BRINP3: variants seen among roughly 807,000 people sequenced by gnomAD.
BRINP3 encodes BMP/retinoic acid-inducible neural-specific protein 3.
In BRINP3, 19 loss-of-function variants were observed where a neutral mutation model predicts 71.0. The observed-to-expected ratio is 0.27, with a 90% CI of 0.19 to 0.39. BRINP3 has a LOEUF of 0.39. BRINP3 is among the 10% of genes least tolerant of loss of function. The pLI, the probability that BRINP3 is intolerant of heterozygous loss-of-function variation, is 1.00. For synonymous variants in BRINP3, 380 were observed against 337.7 expected, an observed-to-expected ratio of 1.13 and a Z score of -1.37; for missense variants, 959 against 940.8, an observed-to-expected ratio of 1.02 and a Z score of -0.25.
intron 6 of BRINP3, among the ~76,000 whole-genome samples, chr1:190,164,701 C>T (rs1012183064): frequency 3.9e-5 from 6 of 151,926 alleles, no homozygotes; most frequent in South Asian, 2.1e-4. Context: ...CGCAATTCTC[C>T]GGCCTCGTCC....
At chr1:190,240,108 C>G (rs550546238) in intron 4 of BRINP3, among the ~76,000 whole-genome samples, 3 of 151,674 alleles carry the variant, frequency 2.0e-5, no homozygotes, top group African/African-American at 7.2e-5. Context: ...TAGGAACTAA[C>G]AGGTTAATAT....
chr1:190,372,215 T>G (rs536401008), intron 2 of BRINP3, among the ~76,000 whole-genome samples: 1 of 152,312 alleles, frequency 6.6e-6, no homozygotes, highest in South Asian at 2.1e-4. Context: ...TCCTTCATTC[T>G]GTTGCCTTGC....
intron 2 of BRINP3, among the ~76,000 whole-genome samples, chr1:190,381,745 G>A (rs528931742): frequency 2.8e-4 from 42 of 152,130 alleles, no homozygotes; most frequent in Non-Finnish European, 5.9e-4. Flanking sequence ...TCTCATTCAT[G>A]TTATAGGCCA....
chr1:190,328,174 C>T (rs764207664), intron 2 of BRINP3, among the ~76,000 whole-genome samples: 4 of 151,808 alleles, frequency 2.6e-5, no homozygotes, highest in Non-Finnish European at 4.4e-5. Flanking sequence ...AAAGTGACCC[C>T]AAAGCTAGCA....
At chr1:190,243,129 A>C (rs983586945) in intron 4 of BRINP3, among the ~76,000 whole-genome samples, 1 of 152,138 alleles carries the variant, frequency 6.6e-6, no homozygotes, top group Non-Finnish European at 1.5e-5. Flanking sequence ...GTGACTAGAC[A>C]ACAGAAGTTT....
chr1:190,180,225 T>C (rs891565285), intron 6 of BRINP3, among the ~76,000 whole-genome samples: 1 of 152,172 alleles, frequency 6.6e-6, no homozygotes, highest in African/African-American at 2.4e-5. Flanking sequence ...GGTATATTAA[T>C]GAACTCTCTC....
rs777913411 is a variant in BRINP3, at chr1:190,264,989, G to A, written c.494C>T (p.Ser165Phe). The A allele has an allele frequency of 6.2e-7, 1 of 1,611,696 alleles. No individual in the cohort carries two copies. The highest frequency in any genetic ancestry group is 1.7e-5 in the Admixed American group (1 of 59,506). ...AGTGACCGAAGAGCTATTGGTGGTG[G>A]AATCACTTCCTTCAGCTCGTTTGCT... ...KLSKRAEGSDSTTNSSSVTLE... is the reference protein window; with the variant it reads ...KLSKRAEGSDFTTNSSSVTLE... The change falls in exon 4 of 8, where the codon TCC (serine) becomes TTC (phenylalanine). Residue 165 changes from serine (S) to phenylalanine (F), a missense_variant. Coordinates refer to ENST00000367462, the MANE Select transcript of BRINP3 (RefSeq NM_199051.3).
chr1:190,472,073 T>A (rs1416125798), intron 1 of BRINP3, among the ~76,000 whole-genome samples: 1 of 151,604 alleles, frequency 6.6e-6, no homozygotes, highest in Non-Finnish European at 1.5e-5. Flanking sequence ...AATGTCTAAT[T>A]AAAAATTCAA....
intron 4 of BRINP3, among the ~76,000 whole-genome samples, chr1:190,258,610 C>T (rs1013403948): frequency 1.3e-5 from 2 of 152,102 alleles, no homozygotes; most frequent in Non-Finnish European, 2.9e-5. Flanking sequence ...ACTGGCCTTA[C>T]AGAAACACAA....
chr1:190,359,480 G>C (rs1455198494), intron 2 of BRINP3, among the ~76,000 whole-genome samples: 1 of 151,992 alleles, frequency 6.6e-6, no homozygotes, highest in African/African-American at 2.4e-5. Flanking sequence ...TTTGAGCCTC[G>C]CAGGGTACGA....
rs142263649 is a variant in BRINP3, at chr1:190,211,753, A to G, written c.961+14329T>C. On this transcript the variant is annotated intron_variant, in intron 6 of 7. Transcript: ENST00000367462. ...TCATTTGAGATCTAAATCAGAAATCATTATATAAAACACCTGTTTGGCACT... is the reference window on the plus strand; with the variant it reads ...TCATTTGAGATCTAAATCAGAAATCGTTATATAAAACACCTGTTTGGCACT... Among the ~76,000 whole-genome samples, 831 of 152,250 alleles carry G rather than the reference A, an allele frequency of 5.5e-3. 6 individuals are homozygous for G. Among genetic ancestry groups the G allele is most frequent in the African/African-American group, 0.018 (759 of 41,564 alleles).
chr1:190,228,247 A>G (rs913776461), intron 5 of BRINP3, among the ~76,000 whole-genome samples: 13 of 152,016 alleles, frequency 8.6e-5, no homozygotes, highest in African/African-American at 2.7e-4. Context: ...AGTGCTAAAA[A>G]CAATTTGAAT....
chr1:190,210,332 T>TG (rs1277389645), intron 6 of BRINP3, among the ~76,000 whole-genome samples: 1 of 152,100 alleles, frequency 6.6e-6, no homozygotes, highest in African/African-American at 2.4e-5. Context: ...AGCATGTGTA[T>TG]GAAAAAAGCA....
At chr1:190,115,897 CA>C (rs1571740479) in intron 7 of BRINP3, among the ~76,000 whole-genome samples, 1 of 152,202 alleles carries the variant, frequency 6.6e-6, no homozygotes, top group East Asian at 1.9e-4. Flanking sequence ...AAATGAAATT[CA>C]AAGTGTATAT....
intron 1 of BRINP3, chr1:190,475,808 G>T (rs1677459857): frequency 1.3e-5 from 2 of 152,080 alleles, no homozygotes; most frequent in Admixed American, 1.3e-4. Flanking sequence ...TTCCTTACTG[G>T]ATCTGACTGT....
chr1:190,297,230 C>T (rs1221251870), intron 2 of BRINP3, among the ~76,000 whole-genome samples: 2 of 151,922 alleles, frequency 1.3e-5, no homozygotes, highest in Non-Finnish European at 2.9e-5. Flanking sequence ...CCAGAATAAA[C>T]CTATTCATAT....
intron 6 of BRINP3, among the ~76,000 whole-genome samples, chr1:190,214,598 G>A (rs1656247895): frequency 6.6e-6 from 1 of 152,022 alleles, no homozygotes; most frequent in Non-Finnish European, 1.5e-5. Context: ...TGTGGCATAT[G>A]TCATTTTTCT....
chr1:190,471,821 G>A (rs1301775443), intron 1 of BRINP3, among the ~76,000 whole-genome samples: 2 of 151,376 alleles, frequency 1.3e-5, no homozygotes, highest in Non-Finnish European at 3.0e-5. Context: ...AAAGGTGACT[G>A]TACCCCAAAC....
chr1:190,368,782 T>C (rs539815381), intron 2 of BRINP3, among the ~76,000 whole-genome samples: 25 of 152,282 alleles, frequency 1.6e-4, no homozygotes, highest in African/African-American at 5.1e-4. Context: ...GAATCAGACC[T>C]TAGTTATAGA....
Sources: allele counts gnomAD v4.1 joint callset (sites outside exome capture counted in the v4.1 genomes callset), GRCh38; gene constraint gnomAD v4.1.1; transcripts MANE v1.5; gene names NCBI Gene and HGNC (gene_info 2026-07-23, HGNC 2026-07-21).